ORC1: variants seen among roughly 807,000 people sequenced by gnomAD.
ORC1 encodes origin recognition complex subunit 1.
Under a neutral mutation model 98.9 loss-of-function variants are expected in ORC1, and 61 were observed. That is an observed-to-expected ratio of 0.62 (90% CI 0.50 to 0.76). The LOEUF is 0.76. ORC1 is among the 30% of genes least tolerant of loss of function. ORC1 has a pLI of 0.00. For missense variants in ORC1, 979 were observed against 1,072.2 expected, an observed-to-expected ratio of 0.91 and a Z score of 1.21; for synonymous variants, 385 against 406.9, an observed-to-expected ratio of 0.95 and a Z score of 0.65.
chr1:52,388,475 G>A lies in ORC1; in HGVS notation c.1350C>T (p.Ser450=), dbSNP rs757720656. 1.2e-6 allele frequency: 2 copies of A among 1,614,118 alleles called. No individual in the cohort carries two copies. Among genetic ancestry groups the A allele is most frequent in the East Asian group, 2.2e-5 (1 of 44,878 alleles). Residue 450 remains serine (S), a synonymous_variant, in exon 8 of 17, where the codon TCC becomes TCT. Transcript: ENST00000371568. ...SRNLRSSLKS[S]LHTLTKVPKK... is the part of the protein sequence containing the mutation. ...TTGGCACCTTCGTGAGGGTATGTAAGGATGACTTCAAGGAAGATCGCAGGT... is the reference window on the plus strand; with the variant it reads ...TTGGCACCTTCGTGAGGGTATGTAAAGATGACTTCAAGGAAGATCGCAGGT...
Position 52,402,241 on chromosome 1 carries a change from C to G in ORC1, c.-5-13G>C. On this transcript the variant is annotated splice_polypyrimidine_tract_variant and intron_variant, in intron 1 of 16. Coordinates refer to ENST00000371568, the MANE Select transcript of ORC1 (RefSeq NM_004153.4). ...TGTGCCATGGCTTCTGTGGAAGAGT[C>G]CAAACTCTGAGTTACCATGATAAAT... The G allele has an allele frequency of 6.3e-7, 1 of 1,587,126 alleles. No homozygotes were observed. The highest frequency in any genetic ancestry group is 8.7e-7 in the Non-Finnish European group (1 of 1,155,490).
intron 16 of ORC1, 141 bp from the exon 17 acceptor site, chr1:52,373,516 A>T: frequency 1.4e-6 from 1 of 723,864 alleles, no homozygotes; most frequent in Non-Finnish European, 2.4e-6. Flanking sequence ...TTGGTGCCCC[A>T]GTGGTACACA....
Position 52,381,704 on chromosome 1 carries a change from T to C in ORC1, c.2071A>G (p.Arg691Gly). The C allele has an allele frequency of 6.2e-7, 1 of 1,613,524 alleles. No homozygotes were observed. The highest frequency in any genetic ancestry group is 2.2e-5 in the East Asian group (1 of 44,870). The change falls in exon 14 of 17, where the codon AGG becomes GGG. Residue 691 changes from arginine (R) to glycine (G), a missense_variant. Coordinates refer to ENST00000371568, the MANE Select transcript of ORC1 (RefSeq NM_004153.4). Reference protein sequence around the residue: ...YTYSQLQQILRSRLKHLKAFE... With the variant: ...YTYSQLQQILGSRLKHLKAFE... ...GCCTTTAGATGCTTGAGCCGGGACC[T>C]TAGGATCTGCTGCAGCTGGCTATAT...
rs766249973 is a variant in ORC1 at position 52,373,237 on chromosome 1, G to C, written c.2530C>G (p.Arg844Gly). The C allele has an allele frequency of 2.5e-6, 4 of 1,614,182 alleles. No homozygotes were observed. The highest frequency in any genetic ancestry group is 3.4e-6 in the Non-Finnish European group (4 of 1,180,028). The change falls in exon 17 of 17, where the codon CGG becomes GGG. Residue 844 changes from arginine (R) to glycine (G), a missense_variant. Transcript: ENST00000371568. ...TCCTGGCTGACGTTGAGCCGCACCC[G>C]AAGGAGCAGATCGTTCCTGCTGGGC... ...VEPSRNDLLL[R>G]VRLNVSQDDV...
At chr1:52,380,991 A>AT (rs1260637203) in intron 14 of ORC1, among the ~76,000 whole-genome samples, 7 of 152,166 alleles carry the variant, frequency 4.6e-5, no homozygotes, top group African/African-American at 1.7e-4. Flanking sequence ...GAAACTAGAA[A>AT]TAAGTTTATA....
chr1:52,384,259 C>T (rs1293050953), intron 11 of ORC1, among the ~76,000 whole-genome samples: 1 of 152,238 alleles, frequency 6.6e-6, no homozygotes, highest in Non-Finnish European at 1.5e-5. Flanking sequence ...GGCTTAACCT[C>T]TGGCCTGCCA....
At chr1:52,381,816 AG>A in intron 13 of ORC1, 55 bp from the exon 14 acceptor site, 1 of 1,602,446 alleles carries the variant, frequency 6.2e-7, no homozygotes, top group Non-Finnish European at 8.5e-7. Context: ...GTGATTATCC[AG>A]GTGGAAAGTC....
upstream of ORC1, chr1:52,405,925 G>A: frequency 7.3e-6 from 8 of 1,098,898 alleles, no homozygotes; most frequent in Non-Finnish European, 1.1e-5. Context: ...TGTACACAAT[G>A]TATCTCATTT....
upstream of ORC1, chr1:52,405,551 T>C: frequency 1.1e-5 from 9 of 784,868 alleles, no homozygotes; most frequent in Non-Finnish European, 1.9e-5. Context: ...TTACTGTTAT[T>C]AATACACATT....
chr1:52,374,038 C>G (rs776650398), intron 16 of ORC1, among the ~76,000 whole-genome samples: 1 of 152,134 alleles, frequency 6.6e-6, no homozygotes, highest in Non-Finnish European at 1.5e-5. Context: ...GGGAGTTTGT[C>G]AGGAACAGGG....
intron 6 of ORC1, among the ~76,000 whole-genome samples, chr1:52,391,627 G>A (rs964705819): frequency 1.3e-5 from 2 of 152,030 alleles, no homozygotes; most frequent in East Asian, 2.0e-4. Context: ...AGCTGGGTGC[G>A]GTGGCTCACG....
At chr1:52,389,576 G>C (rs1183817110) in intron 6 of ORC1, among the ~76,000 whole-genome samples, 1 of 152,148 alleles carries the variant, frequency 6.6e-6, no homozygotes, top group Non-Finnish European at 1.5e-5. Context: ...TCCCCAACTA[G>C]AGACCAAAAT....
chr1:52,386,892 A>G (rs1197780025), intron 8 of ORC1, among the ~76,000 whole-genome samples: 5 of 152,066 alleles, frequency 3.3e-5, no homozygotes, highest in Admixed American at 3.3e-4. Context: ...TTGAGGCTAC[A>G]GTGAGTTGAG....
At chr1:52,387,035 C>T (rs932429231) in intron 8 of ORC1, among the ~76,000 whole-genome samples, 10 of 152,188 alleles carry the variant, frequency 6.6e-5, no homozygotes, top group Non-Finnish European at 1.5e-4. Flanking sequence ...GAGAAGGTAT[C>T]AAGAAACCTG....
chr1:52,375,575 G>C lies in ORC1; in HGVS notation c.2158C>G (p.Arg720Gly). ...RKVAALSGDA[R>G]RCLDICRRAT... ...CGCCTGCAGATGTCCAGGCACCGTC[G>C]TGCATCTCCAGACAGTGCTGCTACC... Residue 720 changes from arginine (R) to glycine (G), a missense_variant, in exon 15 of 17, where the codon CGA becomes GGA. Transcript: ENST00000371568. 1 of 1,614,034 alleles carries C rather than the reference G, an allele frequency of 6.2e-7. No individual in the cohort carries two copies. The highest frequency in any genetic ancestry group is 8.5e-7 in the Non-Finnish European group (1 of 1,180,006).
rs1646957680 is a variant in ORC1 at position 52,373,307 on chromosome 1, C to T, written c.2460G>A (p.Met820Ile). The change falls in exon 17 of 17, where the codon ATG becomes ATA. Residue 820 changes from methionine (M) to isoleucine (I), a missense_variant. By Grantham distance (10) the Met-to-Ile change is conservative (BLOSUM62 1). Transcript: ENST00000371568. ...AGGAGCCCAGGTGAGAACACACGGC[C>T]ATGGTCTCTGACATGGTGGGGTACG... Reference protein sequence around the residue: ...GLPYPTMSETMAVCSHLGSCR... With the variant: ...GLPYPTMSETIAVCSHLGSCR... 4 of 1,614,216 alleles carry T rather than the reference C, an allele frequency of 2.5e-6. No homozygotes were observed. The East Asian group carries it at 8.9e-5, about 36-fold the overall frequency.
intron 14 of ORC1, among the ~76,000 whole-genome samples, chr1:52,378,695 C>T (rs1171712325): frequency 6.6e-6 from 1 of 151,540 alleles, no homozygotes; most frequent in African/African-American, 2.4e-5. Flanking sequence ...CACCCCAAGA[C>T]TCTAAAAGGA....
intron 5 of ORC1, among the ~76,000 whole-genome samples, chr1:52,395,746 G>T (rs1446344710): frequency 1.3e-5 from 2 of 152,112 alleles, no homozygotes; most frequent in Non-Finnish European, 2.9e-5. Flanking sequence ...AGCCCAAGAG[G>T]TCAAGCCTAC....
chr1:52,393,839 C>T (rs1301026091), intron 5 of ORC1, 36 bp from the exon 6 acceptor site: 5 of 1,604,612 alleles, frequency 3.1e-6, no homozygotes, highest in Non-Finnish European at 4.2e-6. Context: ...AATTTTTTAC[C>T]TAACAATATA....
Sources: gnomAD v4.1 joint callset for allele counts (sites outside exome capture counted in the v4.1 genomes callset) on GRCh38, gnomAD v4.1.1 for gene constraint, MANE v1.5 for transcripts, NCBI Gene and HGNC (gene_info 2026-07-23, HGNC 2026-07-21) for gene names.